The following CENPF variants were observed in gnomAD, a reference collection of about 807,000 sequenced individuals.
CENPF encodes the protein centromere protein F, also known as AH antigen.
Under a neutral mutation model 307.3 loss-of-function variants are expected in CENPF, and 214 were observed. The observed-to-expected ratio is 0.70, with a 90% CI of 0.62 to 0.78. The LOEUF is 0.78. CENPF is among the 30% of genes least tolerant of loss of function. CENPF has a pLI of 0.00. For missense variants in CENPF, 3,401 were observed against 3,483.9 expected, an observed-to-expected ratio of 0.98 and a Z score of 0.60; for synonymous variants, 1,259 against 1,270.6, an observed-to-expected ratio of 0.99 and a Z score of 0.19.
chr1:214,627,129 A>T (rs2666831), intron 7 of CENPF, among the ~76,000 whole-genome samples: 92,166 of 151,876 alleles, frequency 0.61, 28,478 homozygotes, highest in African/African-American at 0.69. Context: ...AGTGCAGTGA[A>T]GTGATCCTGG....
At chr1:214,649,839 C>G (rs775676466) in intron 14 of CENPF, among the ~76,000 whole-genome samples, 10 of 152,096 alleles carry the variant, frequency 6.6e-5, no homozygotes, top group Non-Finnish European at 1.0e-4. Context: ...GGCCTCAGCC[C>G]CATACATATG....
chr1:214,652,907 A>G lies in CENPF; in HGVS notation c.8240A>G (p.Asp2747Gly), dbSNP rs758208393. Residue 2747 changes from aspartate to glycine, a missense_variant, in exon 16 of 20, where the codon GAC becomes GGC. Asp to Gly is a moderately conservative substitution (Grantham distance 94, BLOSUM62 -1). Transcript: ENST00000366955. Reference protein sequence around the residue: ...ECLSSQKLEIDLLKSSKEELN... With the variant: ...ECLSSQKLEIGLLKSSKEELN... ...CTCAGTTCACAGAAGCTGGAGATAG[A>G]CCTTTTAAAGTCTAGTAAAGAAGAG... 6.2e-7 allele frequency: 1 copy of G among 1,608,974 alleles called. No homozygotes were observed. The highest frequency in any genetic ancestry group is 1.1e-5 in the South Asian group (1 of 89,682).
In CENPF at chr1:214,647,324, T is replaced by G; in HGVS notation, c.7754T>G (p.Val2585Gly). 3 of 1,613,846 alleles carry G rather than the reference T, an allele frequency of 1.9e-6. No individual in the cohort carries two copies. Among genetic ancestry groups the G allele is most frequent in the Non-Finnish European group, 2.5e-6 (3 of 1,179,870 alleles). ...KNASLQDTLE[V>G]LQSSYKNLEN... ...GCCTCTTTGCAGGACACATTAGAAG[T>G]GCTGCAGAGTTCTTACAAGAATCTA... The change falls in exon 13 of 20, where the codon GTG becomes GGG. Residue 2585 changes from valine to glycine, a missense_variant. Coordinates refer to ENST00000366955, the MANE Select transcript of CENPF (RefSeq NM_016343.4).
intron 1 of CENPF, chr1:214,603,794 C>T (rs1162963424): frequency 6.6e-6 from 1 of 151,340 alleles, no homozygotes; most frequent in Non-Finnish European, 1.5e-5. Flanking sequence ...GAGCATTTCT[C>T]TTTCCCCTCT....
intron 1 of CENPF, among the ~76,000 whole-genome samples, chr1:214,607,599 A>G (rs1190485961): frequency 6.6e-6 from 1 of 152,176 alleles, no homozygotes; most frequent in Non-Finnish European, 1.5e-5. Flanking sequence ...CTGCGGGAGC[A>G]GGTCAGACCA....
In CENPF at chr1:214,645,800, C is replaced by T; in HGVS notation, c.6230C>T (p.Ala2077Val). 1 of 1,614,118 alleles carries T rather than the reference C, an allele frequency of 6.2e-7. No homozygotes were observed. Among genetic ancestry groups the T allele is most frequent in the Non-Finnish European group, 8.5e-7 (1 of 1,180,022 alleles). Residue 2077 changes from alanine to valine, a missense_variant, in exon 13 of 20, where the codon GCC becomes GTC. Transcript: ENST00000366955. ...LLVKESESLQ[A>V]RLSESDYEKL... ...GTCAAGGAATCTGAAAGCCTGCAGGCCAGACTGAGTGAATCAGATTATGAA... is the reference window on the plus strand; with the variant it reads ...GTCAAGGAATCTGAAAGCCTGCAGGTCAGACTGAGTGAATCAGATTATGAA...
At chr1:214,627,655 C>A (rs772506024) in intron 7 of CENPF, among the ~76,000 whole-genome samples, 3 of 151,642 alleles carry the variant, frequency 2.0e-5, no homozygotes, top group Non-Finnish European at 4.4e-5. Flanking sequence ...GGATTACAGG[C>A]GTGAGCCACT....
At chr1:214,657,995 G>T (rs1020282237) in intron 18 of CENPF, among the ~76,000 whole-genome samples, 1 of 152,070 alleles carries the variant, frequency 6.6e-6, no homozygotes, top group African/African-American at 2.4e-5. Flanking sequence ...GTTTTCTATT[G>T]ATTTGTTCTC....
intron 11 of CENPF, 49 bp downstream of exon 11, chr1:214,638,050 G>T (rs377211028): frequency 6.5e-7 from 1 of 1,532,226 alleles, no homozygotes; most frequent in African/African-American, 1.4e-5. Context: ...TGCTATTCCC[G>T]TGAGAGGGGA....
At chr1:214,653,688 G>A (rs1658552905) in intron 16 of CENPF, 1 of 152,226 alleles carries the variant, frequency 6.6e-6, no homozygotes, top group Non-Finnish European at 1.5e-5. Flanking sequence ...TAAATTTTGA[G>A]ATTAATTGAA....
rs929888816 is a variant in CENPF at position 214,655,281 on chromosome 1, A to G, written c.8363A>G (p.Asn2788Ser). The G allele has an allele frequency of 3.1e-6, 5 of 1,607,206 alleles. No homozygotes were observed. The highest frequency in any genetic ancestry group is 4.2e-6 in the Non-Finnish European group (5 of 1,176,842). The change falls in exon 17 of 20, where the codon AAT becomes AGT. Residue 2788 changes from asparagine (N) to serine (S), a missense_variant. Asn to Ser is a conservative substitution (Grantham distance 46). Transcript: ENST00000366955. ...TATGTAAATCAGTTGAAGAAGGAAA[A>G]TGAACGTGCCCAGGGGAAAATGAAG... ...LKYVNQLKKE[N>S]ERAQGKMKLL...
intron 1 of CENPF, chr1:214,605,494 CT>C (rs1379686396): frequency 2.4e-6 from 1 of 416,722 alleles, no homozygotes; most frequent in Non-Finnish European, 4.2e-6. Flanking sequence ...CACGTATTTT[CT>C]TCTTGCTTCC....
rs1658288851 is a variant in CENPF, at chr1:214,646,025, T to A, written c.6455T>A (p.Leu2152His). 9 of 1,613,922 alleles carry A rather than the reference T, an allele frequency of 5.6e-6. No individual in the cohort carries two copies. Among genetic ancestry groups the A allele is most frequent in the African/African-American group, 1.3e-5 (1 of 74,906 alleles). Residue 2152 changes from leucine to histidine, a missense_variant, in exon 13 of 20, where the codon CTT (leucine) becomes CAT (histidine). Physicochemically the swap from Leu to His is moderately conservative, Grantham distance 99. Transcript: ENST00000366955. ...GAACGCGAGCGGGAGAATGATTCAC[T>A]TAAGGATAAAGTTGAGAACCTTGAA... ...LKERERENDS[L>H]KDKVENLERE...
chr1:214,662,944 C>T (rs923310950), intron 19 of CENPF, among the ~76,000 whole-genome samples: 1 of 151,994 alleles, frequency 6.6e-6, no homozygotes, highest in African/African-American at 2.4e-5. Flanking sequence ...TAAGCCTGAC[C>T]CAATTTCAAA....
Position 214,609,150 on chromosome 1 carries a change from G to C in CENPF, c.-41-4564G>C, listed in dbSNP as rs374573026. On this transcript the variant is annotated intron_variant, in intron 1 of 19. Coordinates refer to ENST00000366955, the MANE Select transcript of CENPF (RefSeq NM_016343.4). ...CTGGCCGCCTGCCCGTGCGTCCGTC[G>C]GTCCCTCCGCGCCCCGGCCGGCCTC... Among the ~76,000 whole-genome samples, 280 of 151,912 alleles carry C rather than the reference G, an allele frequency of 1.8e-3. 2 individuals carry two copies. The highest frequency in any genetic ancestry group is 6.0e-3 in the African/African-American group (251 of 41,510).
rs779838450 is a variant in CENPF, at chr1:214,637,886, C to T, written c.1467C>T (p.Asn489=). 64 of 1,603,242 alleles carry T rather than the reference C, an allele frequency of 4.0e-5. No individual in the cohort carries two copies. The highest frequency in any genetic ancestry group is 5.2e-5 in the Non-Finnish European group (61 of 1,177,768). ...RSMEEMKKEN[N]LLKSHSEQKA... is the part of the protein sequence containing the mutation. The stretch of plus-strand genomic sequence containing the variant: ...TTTAGGAAATGAAGAAGGAAAACAA[C>T]CTCCTTAAGAGTCACTCTGAGCAAA... Residue 489 remains asparagine (N), a synonymous_variant, in exon 11 of 20, where the codon AAC becomes AAT. Transcript: ENST00000366955.
At chr1:214,654,818 A>G (rs1362286020) in intron 16 of CENPF, among the ~76,000 whole-genome samples, 3 of 152,348 alleles carry the variant, frequency 2.0e-5, no homozygotes, top group Admixed American at 2.0e-4. Flanking sequence ...TTCACTTGGT[A>G]TGGCTAAAAC....
chr1:214,616,434 G>A (rs915487725), intron 3 of CENPF, among the ~76,000 whole-genome samples: 3 of 152,132 alleles, frequency 2.0e-5, no homozygotes, highest in African/African-American at 7.2e-5. Flanking sequence ...GGCTACAAGT[G>A]GCAATTATGA....
chr1:214,651,907 A>AAAAACCCTAGAAGAAAAC, intron 15 of CENPF, 21 bp downstream of exon 15: 1 of 1,578,138 alleles, frequency 6.3e-7, no homozygotes, highest in Non-Finnish European at 8.6e-7. Flanking sequence ...GGGTTTGGTT[A>AAAAACCCTAGAAGAAAAC]CTGGGGGAGC....
Sources: gnomAD v4.1 joint callset for allele counts (sites outside exome capture counted in the v4.1 genomes callset) on GRCh38, gnomAD v4.1.1 for gene constraint, MANE v1.5 for transcripts, NCBI Gene and HGNC (gene_info 2026-07-23, HGNC 2026-07-21) for gene names.